Variants in ZNF629 observed in about 807,000 individuals in gnomAD.
ZNF629 encodes the protein zinc finger protein 629, also known as DNA-binding protein.
Under a neutral mutation model 59.7 loss-of-function variants are expected in ZNF629, and 9 were observed. That is an observed-to-expected ratio of 0.15 (90% CI 0.09 to 0.26). The LOEUF (loss-of-function observed/expected upper bound fraction) is 0.26, where lower values mean the gene tolerates loss of function less well. Ranked by LOEUF, ZNF629 falls within the 10% of genes least tolerant of loss-of-function variation. The probability of loss-of-function intolerance (pLI) is 1.00; values close to 1 mark genes in which losing one functional copy is unlikely to be tolerated. For missense variants in ZNF629, 853 were observed against 1,165.4 expected (o/e 0.73, Z 3.90); for synonymous variants, 509 against 498.9 (o/e 1.02, Z -0.27).
Position 30,782,539 on chromosome 16 carries a change from A to G in ZNF629, c.1789T>C (p.Tyr597His). 1 of 1,560,846 alleles carries G rather than the reference A, an allele frequency of 6.4e-7. No homozygotes were observed. The highest frequency in any genetic ancestry group is 1.2e-5 in the South Asian group (1 of 85,036). Residue 597 changes from tyrosine (Y) to histidine (H), a missense_variant, in exon 3 of 3, where the codon TAC becomes CAC. By Grantham distance (83) the Tyr-to-His change is moderately conservative (BLOSUM62 2). Coordinates refer to ENST00000262525, the MANE Select transcript of ZNF629 (RefSeq NM_001080417.3). ...HQRIHIGENP[Y>H]KNADGLIAHA... ...GCGATGAGGCCGTCTGCATTTTTGT[A>G]GGGGTTTTCTCCGATGTGGATCCTC...
Position 30,783,093 on chromosome 16 carries a change from C to G in ZNF629, c.1235G>C (p.Ser412Thr), listed in dbSNP as rs1471532736. The change falls in exon 3 of 3, where the codon AGC (serine) becomes ACC (threonine). Residue 412 changes from serine to threonine, a missense_variant. Ser to Thr is a moderately conservative substitution (Grantham distance 58). Around this residue, in one of 3 missense-constraint regions of ZNF629, gnomAD observed 201 missense variants for 536.5 expected, o/e 0.37. Transcript: ENST00000262525. ...GTGGTTGATGAGGTTGGAGCTGACG[C>G]TGAAGCTCTTGCCGCACTCTGGGCA... ...YKCPECGKSF[S>T]VSSNLINHQR... is the part of the protein sequence containing the mutation. The G allele has an allele frequency of 1.2e-6, 2 of 1,613,742 alleles. No homozygotes were observed. Among genetic ancestry groups the G allele is most frequent in the Non-Finnish European group, 1.7e-6 (2 of 1,179,968 alleles).
rs1037885795 is a variant in ZNF629, at chr16:30,782,426, C to T, written c.1902G>A (p.Ala634=). The T allele has an allele frequency of 1.3e-6, 2 of 1,566,462 alleles. No homozygotes were observed. Among genetic ancestry groups the T allele is most frequent in the Non-Finnish European group, 1.7e-6 (2 of 1,155,250 alleles). ...GCTTAAGGGGCTGTCCGGGGGCCTCCGCTCTGCCCTCCGCAGCCCCGGGGT... is the reference window on the plus strand; with the variant it reads ...GCTTAAGGGGCTGTCCGGGGGCCTCTGCTCTGCCCTCCGCAGCCCCGGGGT... ...NSYPGAAEGR[A]EAPGQPLKPP... Residue 634 remains alanine (A), a synonymous_variant, in exon 3 of 3, where the codon GCG becomes GCA. Coordinates refer to ENST00000262525, the MANE Select transcript of ZNF629 (RefSeq NM_001080417.3).
chr16:30,782,654 G>A lies in ZNF629; in HGVS notation c.1674C>T (p.Ser558=). The change falls in exon 3 of 3, where the codon TCC becomes TCT. Residue 558 remains serine (S), a synonymous_variant. Transcript: ENST00000262525. ...TGGCTCCCGGCGGCGGGGTCAGCAG[G>A]GAGGGGTCCCCGAGCCCCAGCAGGC... ...GDSLLGLGDP[S]LLTPPPGAKP... is the part of the protein sequence containing the mutation. 6.3e-7 allele frequency: 1 copy of A among 1,583,534 alleles called. No homozygotes were observed. The highest frequency in any genetic ancestry group is 2.3e-5 in the East Asian group (1 of 42,882).
chr16:30,783,869 G>A lies in ZNF629; in HGVS notation c.459C>T (p.Asn153=), dbSNP rs1039429716. 14 of 1,609,248 alleles carry A rather than the reference G, an allele frequency of 8.7e-6. No homozygotes were observed. The highest frequency in any genetic ancestry group is 3.3e-5 in the Admixed American group (2 of 59,734). The stretch of plus-strand genomic sequence containing the variant: ...ACTGGCTGAAGCTCTTGCCGCACTC[G>A]TTGCAGATGTAGGGCTTCTCCGCCC... ...PAGAEKPYIC[N]ECGKSFSQWS... Residue 153 remains asparagine, a synonymous_variant, in exon 3 of 3, where the codon AAC becomes AAT. Transcript: ENST00000262525.
Position 30,782,039 on chromosome 16 carries a change from C to G in ZNF629, c.2289G>C (p.Leu763=). Residue 763 remains leucine, a synonymous_variant, in exon 3 of 3, where the codon CTG becomes CTC. Transcript: ENST00000262525. The part of the protein sequence containing the change: ...SVLLEHLRSP[L]GARPYRCSDC... ...CTGAGCAGCGGTAGGGTCTGGCCCC[C>G]AGGGGGCTCCTGAGATGCTCCAGGA... 1 of 1,573,184 alleles carries G rather than the reference C, an allele frequency of 6.4e-7. No homozygotes were observed. Among genetic ancestry groups the G allele is most frequent in the Non-Finnish European group, 8.6e-7 (1 of 1,159,434 alleles).
Position 30,784,021 on chromosome 16 carries a change from G to C in ZNF629, c.307C>G (p.Pro103Ala). The C allele has an allele frequency of 6.3e-7, 1 of 1,576,340 alleles. No homozygotes were observed. The highest frequency in any genetic ancestry group is 1.2e-5 in the South Asian group (1 of 85,370). ...DPPAPEVVPT[P>A]SDWTKACEAS... ...TCGCAGGCCTTGGTCCAGTCAGATG[G>C]GGTAGGGACTACCTCCGGGGCTGGG... The change falls in exon 3 of 3, where the codon CCA becomes GCA. Residue 103 changes from proline (P) to alanine (A), a missense_variant. Around this residue, in one of 3 missense-constraint regions of ZNF629, gnomAD observed 232 missense variants for 193.4 expected, o/e 1.20. Transcript: ENST00000262525.
rs760109071 is a variant in ZNF629, at chr16:30,783,674, G to A, written c.654C>T (p.Ser218=). The change falls in exon 3 of 3, where the codon AGC becomes AGT. Residue 218 remains serine, a synonymous_variant. Transcript: ENST00000262525. ...CPDCGKCFSW[S]SNLVQHQRTH... ...TGCGCTGGTGCTGCACCAGGTTGGA[G>A]CTCCAGCTGAAGCACTTGCCGCAGT... 6.8e-6 allele frequency: 11 copies of A among 1,613,034 alleles called. No homozygotes were observed. The African/African-American group carries it at 1.5e-4, about 22-fold the overall frequency.
In ZNF629 at chr16:30,783,683, G is replaced by A; in HGVS notation, c.645C>T (p.Phe215=). The A allele has an allele frequency of 6.2e-7, 1 of 1,613,776 alleles. No homozygotes were observed. Among genetic ancestry groups the A allele is most frequent in the Non-Finnish European group, 8.5e-7 (1 of 1,179,826 alleles). Reference sequence around the variant, plus strand: ...GCTGCACCAGGTTGGAGCTCCAGCTGAAGCACTTGCCGCAGTCGGGGCACT... The same window carrying A: ...GCTGCACCAGGTTGGAGCTCCAGCTAAAGCACTTGCCGCAGTCGGGGCACT... The part of the protein sequence containing the change: ...PYKCPDCGKC[F]SWSSNLVQHQ... Residue 215 remains phenylalanine, a synonymous_variant, in exon 3 of 3, where the codon TTC becomes TTT. Coordinates refer to ENST00000262525, the MANE Select transcript of ZNF629 (RefSeq NM_001080417.3).
rs1037885795 is a variant in ZNF629 at position 30,782,426 on chromosome 16, C to A, written c.1902G>T (p.Ala634=). The A allele has an allele frequency of 1.3e-6, 2 of 1,566,462 alleles. No homozygotes were observed. Among genetic ancestry groups the A allele is most frequent in the Admixed American group, 1.9e-5 (1 of 52,672 alleles). The change falls in exon 3 of 3, where the codon GCG becomes GCT. Residue 634 remains alanine, a synonymous_variant. Coordinates refer to ENST00000262525, the MANE Select transcript of ZNF629 (RefSeq NM_001080417.3). ...GCTTAAGGGGCTGTCCGGGGGCCTCCGCTCTGCCCTCCGCAGCCCCGGGGT... is the reference window on the plus strand; with the variant it reads ...GCTTAAGGGGCTGTCCGGGGGCCTCAGCTCTGCCCTCCGCAGCCCCGGGGT... The part of the protein sequence containing the change: ...NSYPGAAEGR[A]EAPGQPLKPP...
Position 30,782,662 on chromosome 16 carries a change from C to T in ZNF629, c.1666G>A (p.Asp556Asn), listed in dbSNP as rs1567294422. The change falls in exon 3 of 3, where the codon GAC becomes AAC. Residue 556 changes from aspartate (D) to asparagine (N), a missense_variant. Physicochemically the swap from Asp to Asn is conservative, Grantham distance 23 (BLOSUM62 1). Coordinates refer to ENST00000262525, the MANE Select transcript of ZNF629 (RefSeq NM_001080417.3). Reference protein sequence around the residue: ...AQGDSLLGLGDPSLLTPPPGA... With the variant: ...AQGDSLLGLGNPSLLTPPPGA... The stretch of plus-strand genomic sequence containing the variant: ...GGCGGCGGGGTCAGCAGGGAGGGGT[C>T]CCCGAGCCCCAGCAGGCTGTCGCCC... 1 of 1,586,360 alleles carries T rather than the reference C, an allele frequency of 6.3e-7. No individual in the cohort carries two copies.
rs3812998 is a variant in ZNF629 at position 30,784,379 on chromosome 16, C to T, written c.73+31G>A. The T allele has an allele frequency of 2.3e-4, 358 of 1,550,202 alleles. 1 individual carries two copies. The East Asian group carries it at 8.4e-3, about 36-fold the overall frequency. On this transcript the variant is annotated intron_variant, in intron 2 of 2. Transcript: ENST00000262525. ...CCCTGAGCCGGGACCACCGTCTTGC[C>T]GGGACCGCAGCCCCTTCTTGTGCCC...
In ZNF629 at chr16:30,782,790, A is replaced by G. The variant is rs1275305558; in HGVS notation, c.1538T>C (p.Leu513Pro). The G allele has an allele frequency of 1.2e-6, 2 of 1,613,930 alleles. No individual in the cohort carries two copies. Among genetic ancestry groups the G allele is most frequent in the Non-Finnish European group, 1.7e-6 (2 of 1,179,920 alleles). The change falls in exon 3 of 3, where the codon CTG becomes CCG. Residue 513 changes from leucine to proline, a missense_variant. Leu to Pro is a moderately conservative substitution (Grantham distance 98). Coordinates refer to ENST00000262525, the MANE Select transcript of ZNF629 (RefSeq NM_001080417.3). ...THVRTHMDEN[L>P]FVCSDCGKAF... is the part of the protein sequence containing the mutation. ...CTTCCCGCAGTCGGAGCACACGAACAGGTTCTCGTCCATGTGCGTGCGGAC... is the reference window on the plus strand; with the variant it reads ...CTTCCCGCAGTCGGAGCACACGAACGGGTTCTCGTCCATGTGCGTGCGGAC...
Position 30,781,007 on chromosome 16 carries a change from CT to C in ZNF629, c.*710del, listed in dbSNP as rs2054275313. On this transcript the variant is annotated 3_prime_UTR_variant, in exon 3 of 3. Transcript: ENST00000262525. Reference sequence around the variant, plus strand: ...TTTTGATAAGGGATTCCATAGGCCTCTTTCCCTAAAACACACAATGCATCTA... The same window carrying C: ...TTTTGATAAGGGATTCCATAGGCCTCTTCCCTAAAACACACAATGCATCTA... 6.6e-6 allele frequency: 1 copy of C among 152,190 alleles called. No homozygotes were observed. The highest frequency in any genetic ancestry group is 2.1e-4 in the South Asian group (1 of 4,830). The allele number at this position is 152,190 out of a possible 1,614,324, so 9.4% of individuals were successfully genotyped here.
At position 30,782,543 on chromosome 16, in the gene ZNF629, G is replaced by C; in HGVS notation, c.1785C>G (p.Asn595Lys). Residue 595 changes from asparagine (N) to lysine (K), a missense_variant, in exon 3 of 3, where the codon AAC (asparagine) becomes AAG (lysine). By Grantham distance (94) the Asn-to-Lys change is moderately conservative. This residue lies in a region of ZNF629 where 420 missense variants were observed against 435.6 expected (regional missense o/e 0.96). Transcript: ENST00000262525. ...TGAGGCCGTCTGCATTTTTGTAGGG[G>C]TTTTCTCCGATGTGGATCCTCTGAT... ...MQHQRIHIGE[N>K]PYKNADGLIA... is the part of the protein sequence containing the mutation. 6.4e-7 allele frequency: 1 copy of C among 1,560,256 alleles called. No individual in the cohort carries two copies. Among genetic ancestry groups the C allele is most frequent in the Non-Finnish European group, 8.7e-7 (1 of 1,151,416 alleles).
Position 30,784,148 on chromosome 16 carries a change from C to G in ZNF629, c.180G>C (p.Glu60Asp). The G allele has an allele frequency of 6.2e-7, 1 of 1,609,836 alleles. No homozygotes were observed. The highest frequency in any genetic ancestry group is 1.1e-5 in the South Asian group (1 of 90,516). Reference protein sequence around the residue: ...AQSPESKDSTEMSLERSSQDP... With the variant: ...AQSPESKDSTDMSLERSSQDP... Reference sequence around the variant, plus strand: ...CCTGGGAGGATCTCTCCAGGGACATCTCTGTTGAGTCCTTGGATTCTGGAC... The same window carrying G: ...CCTGGGAGGATCTCTCCAGGGACATGTCTGTTGAGTCCTTGGATTCTGGAC... Residue 60 changes from glutamate to aspartate, a missense_variant, in exon 3 of 3, where the codon GAG becomes GAC. Transcript: ENST00000262525.
In ZNF629 at chr16:30,781,692, C is replaced by G. The variant is rs200956284; in HGVS notation, c.*26G>C. On this transcript the variant is annotated 3_prime_UTR_variant, in exon 3 of 3. Coordinates refer to ENST00000262525, the MANE Select transcript of ZNF629 (RefSeq NM_001080417.3). Reference sequence around the variant, plus strand: ...ATCCAGTGTTCCTCTCTGGAGAGAGCGAGGCCCCTGGTCTCCAGACCCATT... The same window carrying G: ...ATCCAGTGTTCCTCTCTGGAGAGAGGGAGGCCCCTGGTCTCCAGACCCATT... 5 of 1,572,536 alleles carry G rather than the reference C, an allele frequency of 3.2e-6. No individual in the cohort carries two copies. In the South Asian group the frequency reaches 4.6e-5, roughly 15 times the overall value.
chr16:30,784,217 C>A lies in ZNF629; in HGVS notation c.111G>T (p.Gln37His), dbSNP rs1320884885. 1 of 1,606,588 alleles carries A rather than the reference C, an allele frequency of 6.2e-7. No homozygotes were observed. The highest frequency in any genetic ancestry group is 1.7e-5 in the Admixed American group (1 of 59,508). The change falls in exon 3 of 3, where the codon CAG becomes CAT. Residue 37 changes from glutamine to histidine, a missense_variant. Physicochemically the swap from Gln to His is conservative, Grantham distance 24. This residue lies in a region of ZNF629 where 232 missense variants were observed against 193.4 expected (regional missense o/e 1.20). Transcript: ENST00000262525. Reference protein sequence around the residue: ...ESENEEESPRQESSGEEIIMG... With the variant: ...ESENEEESPRHESSGEEIIMG... ...TGATGATCTCCTCCCCAGAACTTTC[C>A]TGCCGAGGGCTCTCCTCTTCGTTTT...
At position 30,783,312 on chromosome 16, in the gene ZNF629, G is replaced by C. The variant is rs773132865; in HGVS notation, c.1016C>G (p.Thr339Arg). The change falls in exon 3 of 3, where the codon ACG (threonine) becomes AGG (arginine). Residue 339 changes from threonine (T) to arginine (R), a missense_variant. Physicochemically the swap from Thr to Arg is moderately conservative, Grantham distance 71 (BLOSUM62 -1). Transcript: ENST00000262525. ...CTCGTAGGGCTTCTCGCCTGTGTGC[G>C]TGCGCTGGTGCTGGGTCAGCTCCGA... Reference protein sequence around the residue: ...QSSELTQHQRTHTGEKPYECL... With the variant: ...QSSELTQHQRRHTGEKPYECL... The C allele has an allele frequency of 2.5e-6, 4 of 1,613,994 alleles. No individual in the cohort carries two copies. The South Asian group carries it at 3.3e-5, about 13-fold the overall frequency.
rs2054272278 is a variant in ZNF629, at chr16:30,780,695, C to G, written c.*1023G>C. ...TGGGCAGGGAGAAAGGGTGGTCCTG[C>G]CTGGTGTGGGGAGAACCCTTGCACT... is the stretch of plus-strand genomic sequence containing the variant. On this transcript the variant is annotated 3_prime_UTR_variant, in exon 3 of 3. Coordinates refer to ENST00000262525, the MANE Select transcript of ZNF629 (RefSeq NM_001080417.3). 6.6e-6 allele frequency: 1 copy of G among 152,384 alleles called. No homozygotes were observed. Among genetic ancestry groups the G allele is most frequent in the Non-Finnish European group, 1.5e-5 (1 of 68,038 alleles). 9.4% of individuals were successfully genotyped at this position (152,384 alleles called of 1,614,324 possible).
Sources: gnomAD v4.1 joint callset for allele counts on GRCh38, gnomAD v4.1.1 for gene constraint, gnomAD v4.1.1 regional missense constraint, MANE v1.5 for transcripts, NCBI Gene and HGNC (gene_info 2026-07-23, HGNC 2026-07-21) for gene names.